The following ABCA8 variants were observed in gnomAD, a reference collection of about 807,000 sequenced individuals.
ABCA8 encodes the protein ATP binding cassette subfamily A member 8, also known as ABC-type organic anion transporter ABCA8.
Under a neutral mutation model 192.3 loss-of-function variants are expected in ABCA8, and 177 were observed. The observed-to-expected ratio is 0.92, with a 90% CI of 0.81 to 1.04. The LOEUF (loss-of-function observed/expected upper bound fraction) is 1.04, where lower values mean the gene tolerates loss of function less well. ABCA8 is among the 50% of genes least tolerant of loss of function. The pLI is 0.00. For synonymous variants in ABCA8, 642 were observed against 690.2 expected, an observed-to-expected ratio of 0.93 and a Z score of 1.09; for missense variants, 1,915 against 1,904.8, an observed-to-expected ratio of 1.01 and a Z score of -0.10.
At chr17:68,907,946 T>C (rs1032754963) in intron 17 of ABCA8, 67 bp from the exon 18 acceptor site, 8 of 1,391,142 alleles carry the variant, frequency 5.8e-6, no homozygotes, top group Non-Finnish European at 7.6e-6. Flanking sequence ...AAGAAAATAA[T>C]TAACTAGTCT....
chr17:68,885,358 T>A, intron 26 of ABCA8, 43 bp from the exon 27 acceptor site: 1 of 1,558,496 alleles, frequency 6.4e-7, no homozygotes, highest in Non-Finnish European at 8.7e-7. Context: ...TGAATTTCAA[T>A]GTAAGTTCCA....
chr17:68,888,307 T>C (rs1222951976), intron 24 of ABCA8, among the ~76,000 whole-genome samples: 1 of 152,100 alleles, frequency 6.6e-6, no homozygotes, highest in Non-Finnish European at 1.5e-5. Flanking sequence ...AAACTACTTA[T>C]GAAGTGATGT....
chr17:68,875,480 C>T, intron 36 of ABCA8, 80 bp from the exon 37 acceptor site: 2 of 1,601,016 alleles, frequency 1.2e-6, no homozygotes, highest in South Asian at 1.1e-5. Flanking sequence ...TTGCTGCTAG[C>T]ATTGTCTCAA....
intron 32 of ABCA8, chr17:68,880,010 C>G (rs1192736524): frequency 6.6e-6 from 1 of 152,100 alleles, no homozygotes; most frequent in African/African-American, 2.4e-5. Context: ...ACCTTCAAGC[C>G]ACCTTCAAGC....
chr17:68,887,955 GAT>G (rs201074109), intron 24 of ABCA8, among the ~76,000 whole-genome samples: 49,234 of 100,348 alleles, frequency 0.49, 10,815 homozygotes, highest in East Asian at 0.62. Context: ...TATATATATG[GAT>G]ATATATACAC....
intron 32 of ABCA8, chr17:68,878,249 T>TA (rs2066256179): frequency 6.6e-6 from 1 of 151,922 alleles, no homozygotes; most frequent in African/African-American, 2.4e-5. Context: ...GTAGGTAGGG[T>TA]AATTAGAAAG....
intron 23 of ABCA8, among the ~76,000 whole-genome samples, chr17:68,892,860 G>A (rs1055557068): frequency 2.0e-5 from 3 of 152,108 alleles, no homozygotes; most frequent in African/African-American, 7.2e-5. Flanking sequence ...AAATAATACT[G>A]GCAGCTGGGT....
intron 17 of ABCA8, among the ~76,000 whole-genome samples, chr17:68,916,998 G>A (rs995777822): frequency 6.6e-6 from 1 of 152,112 alleles, no homozygotes; most frequent in African/African-American, 2.4e-5. Flanking sequence ...GGCCGGGCGC[G>A]GTGGCTCACG....
chr17:68,921,361 A>T (rs759555853), intron 13 of ABCA8, 21 bp downstream of exon 13: 1 of 1,556,522 alleles, frequency 6.4e-7, no homozygotes, highest in Middle Eastern at 1.7e-4. Flanking sequence ...TTAAAAAAAA[A>T]GAAAACAAAC....
chr17:68,929,450 A>T (rs2067796577), intron 8 of ABCA8, 111 bp downstream of exon 8: 1 of 1,299,994 alleles, frequency 7.7e-7, no homozygotes, highest in Non-Finnish European at 1.1e-6. Flanking sequence ...TAGATTTTTC[A>T]CATGCAAACA....
At chr17:68,928,128 T>C in intron 9 of ABCA8, 65 bp from the exon 10 acceptor site, 1 of 1,328,822 alleles carries the variant, frequency 7.5e-7, no homozygotes, top group Admixed American at 2.4e-5. Flanking sequence ...ACAGTTAGGT[T>C]TAGCATAGTA....
chr17:68,884,268 C>G, intron 28 of ABCA8, 63 bp downstream of exon 28: 3 of 1,420,334 alleles, frequency 2.1e-6, no homozygotes, highest in Non-Finnish European at 2.8e-6. Context: ...ACAGTGTGTA[C>G]AGAACTGAAA....
chr17:68,926,098 A>G (rs897808622), intron 10 of ABCA8, among the ~76,000 whole-genome samples: 2 of 152,234 alleles, frequency 1.3e-5, no homozygotes, highest in Non-Finnish European at 2.9e-5. Flanking sequence ...ATAACTTGAT[A>G]AAACATGTAC....
chr17:68,900,814 C>A (rs1208246891), intron 21 of ABCA8, among the ~76,000 whole-genome samples: 2 of 152,034 alleles, frequency 1.3e-5, no homozygotes, highest in Non-Finnish European at 1.5e-5. Context: ...CCCACATGAT[C>A]ATCTCAGTAG....
intron 37 of ABCA8, among the ~76,000 whole-genome samples, chr17:68,873,084 G>C (rs2066108139): frequency 6.6e-6 from 1 of 152,268 alleles, no homozygotes; most frequent in African/African-American, 2.4e-5. Flanking sequence ...ACTCACCACT[G>C]TCTCACCAAT....
At chr17:68,948,060 G>A (rs1252970191) in intron 2 of ABCA8, among the ~76,000 whole-genome samples, 1 of 152,132 alleles carries the variant, frequency 6.6e-6, no homozygotes, top group African/African-American at 2.4e-5. Context: ...CCATGTCCCT[G>A]CAAAGGACAT....
chr17:68,867,965 C>T lies in ABCA8; in HGVS notation c.*120G>A, dbSNP rs2065956463. 1.2e-6 allele frequency: 1 copy of T among 820,398 alleles called. No individual in the cohort carries two copies. The highest frequency in any genetic ancestry group is 1.9e-5 in the South Asian group (1 of 51,330). 50.8% of individuals were successfully genotyped at this position (820,398 alleles called of 1,614,324 possible). ...CAGCACCCGAACCTCCTCCTCCCACCACACGGAGAACCATTTCTGTACTTA... is the reference window on the plus strand; with the variant it reads ...CAGCACCCGAACCTCCTCCTCCCACTACACGGAGAACCATTTCTGTACTTA... On this transcript the variant is annotated 3_prime_UTR_variant, in exon 40 of 40. Transcript: ENST00000586539.
intron 37 of ABCA8, among the ~76,000 whole-genome samples, chr17:68,870,105 A>G (rs1360568452): frequency 1.3e-5 from 2 of 152,204 alleles, no homozygotes; most frequent in Non-Finnish European, 2.9e-5. Context: ...GAACAGATAA[A>G]GCTATTCAGA....
At chr17:68,885,405 C>A in intron 26 of ABCA8, 90 bp from the exon 27 acceptor site, 1 of 1,307,490 alleles carries the variant, frequency 7.6e-7, no homozygotes, top group South Asian at 1.5e-5. Context: ...TTACTAATTT[C>A]AACTCCAATC....
Sources: gnomAD v4.1 joint callset for allele counts (sites outside exome capture counted in the v4.1 genomes callset) on GRCh38, gnomAD v4.1.1 for gene constraint, MANE v1.5 for transcripts, NCBI Gene and HGNC (gene_info 2026-07-23, HGNC 2026-07-21) for gene names.